Variants in GRM1 observed in about 807,000 individuals in gnomAD.
GRM1 encodes the protein glutamate metabotropic receptor 1.
Under a neutral mutation model 90.9 loss-of-function variants are expected in GRM1, and 33 were observed. The observed-to-expected ratio is 0.36, with a 90% CI of 0.28 to 0.49. The LOEUF is 0.49. GRM1 is among the 20% of genes least tolerant of loss of function. GRM1 has a pLI of 0.99. For synonymous variants in GRM1, 700 were observed against 613.2 expected (o/e 1.14, Z -2.09); for missense variants, 1,190 against 1,534.3 (o/e 0.78, Z 3.75).
chr6:146,114,200 G>C (rs1452386729), intron 1 of GRM1, among the ~76,000 whole-genome samples: 2 of 152,152 alleles, frequency 1.3e-5, no homozygotes, highest in East Asian at 3.9e-4. Flanking sequence ...TAGGAGCATT[G>C]TTTTTAGATT....
chr6:146,120,304 C>G (rs1334136399), intron 1 of GRM1, among the ~76,000 whole-genome samples: 1 of 152,176 alleles, frequency 6.6e-6, no homozygotes, highest in Non-Finnish European at 1.5e-5. Flanking sequence ...TGAGACTTTG[C>G]TGAAGTTGCC....
intron 1 of GRM1, among the ~76,000 whole-genome samples, chr6:146,041,782 G>A (rs985457190): frequency 1.1e-4 from 16 of 151,910 alleles, no homozygotes; most frequent in Admixed American, 1.0e-3. Context: ...AGTTGTTTTT[G>A]GTTTTCTGTG....
intron 7 of GRM1, among the ~76,000 whole-genome samples, chr6:146,431,574 G>A (rs770548695): frequency 2.6e-4 from 40 of 151,148 alleles, no homozygotes; most frequent in Non-Finnish European, 5.0e-4. Context: ...ATTTCTCAAG[G>A]GACCTGTTTG....
At chr6:146,308,893 T>C (rs940377719) in intron 3 of GRM1, among the ~76,000 whole-genome samples, 7 of 152,164 alleles carry the variant, frequency 4.6e-5, no homozygotes, top group African/African-American at 1.7e-4. Flanking sequence ...CTTTTATTCT[T>C]AATGGCTGCT....
At chr6:146,114,978 GA>G (rs1232281809) in intron 1 of GRM1, among the ~76,000 whole-genome samples, 3 of 151,708 alleles carry the variant, frequency 2.0e-5, no homozygotes, top group Admixed American at 6.6e-5. Flanking sequence ...TACAGGACAT[GA>G]AAATTCTTTC....
chr6:146,305,629 G>C (rs1291809967), intron 3 of GRM1, among the ~76,000 whole-genome samples: 1 of 152,126 alleles, frequency 6.6e-6, no homozygotes, highest in Admixed American at 6.5e-5. Flanking sequence ...TGTTCTTACT[G>C]GGTCGATAGC....
intron 2 of GRM1, among the ~76,000 whole-genome samples, chr6:146,220,281 C>T (rs573140063): frequency 6.1e-4 from 93 of 152,070 alleles, no homozygotes; most frequent in Non-Finnish European, 8.7e-4. Context: ...ATGAGATGTA[C>T]GATTAACTAA....
intron 2 of GRM1, among the ~76,000 whole-genome samples, chr6:146,226,155 C>T (rs1008098895): frequency 6.6e-5 from 10 of 152,080 alleles, no homozygotes; most frequent in African/African-American, 1.9e-4. Flanking sequence ...AAAATTTGGA[C>T]GAACAGGGCA....
intron 3 of GRM1, among the ~76,000 whole-genome samples, chr6:146,332,436 T>C (rs1281057497): frequency 6.6e-6 from 1 of 152,266 alleles, no homozygotes; most frequent in African/African-American, 2.4e-5. Flanking sequence ...TTCCTAGAGG[T>C]TGTTCCTGTA....
At chr6:146,136,853 T>TC (rs984022143) in intron 1 of GRM1, among the ~76,000 whole-genome samples, 1 of 143,100 alleles carries the variant, frequency 7.0e-6, no homozygotes, top group African/African-American at 2.6e-5. Flanking sequence ...CAGAAGCTTT[T>TC]TTTTTTTTTT....
At chr6:146,037,878 C>T (rs1790948381) in intron 1 of GRM1, among the ~76,000 whole-genome samples, 1 of 152,006 alleles carries the variant, frequency 6.6e-6, no homozygotes. Context: ...ACTTCTTTTG[C>T]TCCCACCTCA....
At chr6:146,114,737 G>A (rs752679411) in intron 1 of GRM1, among the ~76,000 whole-genome samples, 2 of 152,064 alleles carry the variant, frequency 1.3e-5, no homozygotes, top group African/African-American at 2.4e-5. Context: ...AGTTGTGTTT[G>A]GGTGATGGGG....
intron 2 of GRM1, among the ~76,000 whole-genome samples, chr6:146,181,555 T>A (rs906182887): frequency 1.3e-5 from 2 of 152,200 alleles, no homozygotes; most frequent in Non-Finnish European, 2.9e-5. Flanking sequence ...CTACAGCACT[T>A]GATCTATAAT....
At chr6:146,065,761 T>C (rs1775824292) in intron 1 of GRM1, among the ~76,000 whole-genome samples, 1 of 152,146 alleles carries the variant, frequency 6.6e-6, no homozygotes, top group African/African-American at 2.4e-5. Context: ...GTTGGGTAAG[T>C]ACAAGCAACA....
chr6:146,134,715 G>A (rs1352760561), intron 1 of GRM1, among the ~76,000 whole-genome samples: 1 of 152,096 alleles, frequency 6.6e-6, no homozygotes, highest in East Asian at 1.9e-4. Flanking sequence ...TGGATCATGA[G>A]GTCAGAATAT....
chr6:146,073,215 G>A (rs1156387819), intron 1 of GRM1, among the ~76,000 whole-genome samples: 1 of 152,090 alleles, frequency 6.6e-6, no homozygotes, highest in Non-Finnish European at 1.5e-5. Flanking sequence ...GGATCTGTAG[G>A]GAAGAAGATA....
intron 1 of GRM1, among the ~76,000 whole-genome samples, chr6:146,095,527 A>T (rs546166018): frequency 1.3e-5 from 2 of 152,118 alleles, no homozygotes; most frequent in Non-Finnish European, 2.9e-5. Flanking sequence ...AGCTAGAAAT[A>T]GTATCTCCTT....
chr6:146,220,420 A>G (rs1227640794), intron 2 of GRM1, among the ~76,000 whole-genome samples: 2 of 151,942 alleles, frequency 1.3e-5, no homozygotes, highest in Non-Finnish European at 2.9e-5. Flanking sequence ...TCACAAAAAC[A>G]TTAGTCTGAA....
intron 2 of GRM1, among the ~76,000 whole-genome samples, chr6:146,293,679 G>A (rs74401292): frequency 0.011 from 1,724 of 151,832 alleles, 72 homozygotes; most frequent in East Asian, 0.079. Flanking sequence ...GTTTATATAA[G>A]ATAACAATTA....
Sources: allele counts gnomAD v4.1 joint callset (sites outside exome capture counted in the v4.1 genomes callset), GRCh38; gene constraint gnomAD v4.1.1; transcripts MANE v1.5; gene names NCBI Gene and HGNC (gene_info 2026-07-23, HGNC 2026-07-21).